The following FNIP1 variants were observed in gnomAD, a reference collection of about 807,000 sequenced individuals.
The protein encoded by FNIP1 is folliculin-interacting protein 1.
In FNIP1, 40 loss-of-function variants were observed where a neutral mutation model predicts 124.5. The observed-to-expected ratio is 0.32, with a 90% confidence interval of 0.25 to 0.42. The LOEUF is 0.42. Among genes scored for constraint, FNIP1 ranks in the 10% least tolerant of loss-of-function variants. The pLI, the probability that FNIP1 is intolerant of heterozygous loss-of-function variation, is 1.00. For missense variants in FNIP1, 1,176 were observed against 1,403.7 expected (o/e 0.84, Z 2.59); for synonymous variants, 472 against 470.6 (o/e 1.00, Z -0.04).
At chr5:131,708,654 T>C (rs1769193505) in intron 8 of FNIP1, among the ~76,000 whole-genome samples, 1 of 152,130 alleles carries the variant, frequency 6.6e-6, no homozygotes, top group Non-Finnish European at 1.5e-5. Flanking sequence ...CAGATGATTT[T>C]CCTAATTTTT....
At chr5:131,654,396 A>G (rs1056534539) in intron 15 of FNIP1, among the ~76,000 whole-genome samples, 1 of 152,224 alleles carries the variant, frequency 6.6e-6, no homozygotes, top group African/African-American at 2.4e-5. Flanking sequence ...TGTTACTACA[A>G]TTAGGATAAG....
chr5:131,753,808 T>G (rs189330957), intron 1 of FNIP1, among the ~76,000 whole-genome samples: 108 of 152,264 alleles, frequency 7.1e-4, no homozygotes, highest in Middle Eastern at 3.4e-3. Context: ...GGACATCTCA[T>G]TAAAACAGAT....
chr5:131,718,929 T>C (rs1769559695), intron 5 of FNIP1, 57 bp downstream of exon 5: 1 of 1,461,646 alleles, frequency 6.8e-7, no homozygotes, highest in African/African-American at 1.4e-5. Context: ...GTTGGTTAGT[T>C]TTCATACTTT....
intron 7 of FNIP1, 43 bp from the exon 8 acceptor site, chr5:131,709,315 A>G: frequency 1.3e-6 from 2 of 1,497,644 alleles, no homozygotes; most frequent in Non-Finnish European, 1.9e-6. Flanking sequence ...ATATATTGCT[A>G]TTCAGGTGGA....
chr5:131,755,873 G>C lies in FNIP1; in HGVS notation c.93-11183C>G, dbSNP rs182275355. ...AAAATATAAAAATTAGTTGGGCATA[G>C]TGGCACATGTCTGTAGTCCTAGCTA... On this transcript the variant is annotated intron_variant, in intron 1 of 17. Coordinates refer to ENST00000510461, the MANE Select transcript of FNIP1 (RefSeq NM_133372.3). Among the ~76,000 whole-genome samples, 16 of 152,126 alleles carry C rather than the reference G, an allele frequency of 1.1e-4. No homozygotes were observed. The East Asian group carries it at 3.1e-3, about 29-fold the overall frequency.
At chr5:131,714,901 T>C (rs1044145877) in intron 6 of FNIP1, among the ~76,000 whole-genome samples, 4 of 152,218 alleles carry the variant, frequency 2.6e-5, no homozygotes, top group African/African-American at 9.7e-5. Flanking sequence ...GGTTCACCAC[T>C]GCATCTTCAG....
chr5:131,793,670 GT>G (rs1201471267), intron 1 of FNIP1, among the ~76,000 whole-genome samples: 1 of 152,110 alleles, frequency 6.6e-6, no homozygotes, highest in Non-Finnish European at 1.5e-5. Flanking sequence ...ATACAGAAAG[GT>G]TCCTAAAGCT....
intron 2 of FNIP1, among the ~76,000 whole-genome samples, chr5:131,739,638 CCT>C (rs1561683560): frequency 1.3e-5 from 2 of 151,846 alleles, no homozygotes; most frequent in African/African-American, 4.8e-5. Flanking sequence ...ACAGTGAAAC[CCT>C]GTCTCTACTA....
At chr5:131,792,160 C>CTTT (rs1236842478) in intron 1 of FNIP1, among the ~76,000 whole-genome samples, 3 of 137,254 alleles carry the variant, frequency 2.2e-5, no homozygotes, top group Admixed American at 1.5e-4. Context: ...ATAACTGGCA[C>CTTT]TTTTTTTTTT....
chr5:131,647,956 C>T (rs1045633868), intron 16 of FNIP1, among the ~76,000 whole-genome samples: 1 of 151,606 alleles, frequency 6.6e-6, no homozygotes, highest in African/African-American at 2.4e-5. Context: ...GATGTATTCT[C>T]CTGTGGAGAA....
In FNIP1 at chr5:131,729,563, T is replaced by A. The variant is rs538483320; in HGVS notation, c.354+1341A>T. 2.6e-5 allele frequency among the ~76,000 whole-genome samples: 4 copies of A among 152,290 alleles called. No homozygotes were observed. The South Asian group carries it at 8.3e-4, about 32-fold the overall frequency. On this transcript the variant is annotated intron_variant, in intron 3 of 17. Coordinates refer to ENST00000510461, the MANE Select transcript of FNIP1 (RefSeq NM_133372.3). ...GACCGAAGCTGTTCCTATTTGGCCA[T>A]CTTGCCAGCCACCCTATATACATAT... is the stretch of plus-strand genomic sequence containing the variant.
intron 1 of FNIP1, among the ~76,000 whole-genome samples, chr5:131,781,550 T>C (rs1441380369): frequency 6.6e-6 from 1 of 152,266 alleles, no homozygotes; most frequent in African/African-American, 2.4e-5. Context: ...ATGCTAAATT[T>C]ACTTTGCCTA....
At chr5:131,768,465 GTTT>G (rs34123871) in intron 1 of FNIP1, among the ~76,000 whole-genome samples, 71 of 148,400 alleles carry the variant, frequency 4.8e-4, no homozygotes, top group Admixed American at 6.0e-4. Flanking sequence ...GTCATACACA[GTTT>G]TTTTTTTTTT....
At chr5:131,748,709 G>GAAAAAAAAAAAAAAAAAAAAAAAAAAA in intron 1 of FNIP1, among the ~76,000 whole-genome samples, 1 of 97,860 alleles carries the variant, frequency 1.0e-5, no homozygotes, top group Non-Finnish European at 2.1e-5. Flanking sequence ...AAAAAAAAAA[G>GAAAAAAAAAAAAAAAAAAAAAAAAAAA]AAAAAAAAAA....
chr5:131,670,371 A>G, intron 15 of FNIP1, 92 bp downstream of exon 15: 2 of 1,146,716 alleles, frequency 1.7e-6, no homozygotes, highest in Non-Finnish European at 2.4e-6. Flanking sequence ...TTGTGTTGTA[A>G]AAAGTATGAC....
chr5:131,656,300 C>T (rs1483948401), intron 15 of FNIP1, among the ~76,000 whole-genome samples: 3 of 152,074 alleles, frequency 2.0e-5, no homozygotes, highest in African/African-American at 4.8e-5. Flanking sequence ...GCTGTGGTTA[C>T]CCATCATTTC....
intron 11 of FNIP1, among the ~76,000 whole-genome samples, chr5:131,693,082 A>G (rs1768536069): frequency 6.6e-6 from 1 of 151,104 alleles, no homozygotes; most frequent in African/African-American, 2.4e-5. Flanking sequence ...ACAGTTAATA[A>G]TAATATTATA....
In FNIP1 at chr5:131,644,488, C is replaced by G; in HGVS notation, c.*197G>C. The G allele has an allele frequency of 2.4e-6, 1 of 411,088 alleles. No homozygotes were observed. The highest frequency in any genetic ancestry group is 4.3e-5 in the South Asian group (1 of 23,216). 25.5% of individuals were successfully genotyped at this position (411,088 alleles called of 1,614,324 possible). On this transcript the variant is annotated 3_prime_UTR_variant, in exon 18 of 18. Transcript: ENST00000510461. ...TAATTTCATTTGTTTAAAAATCTACCACCACCCAAAAGTCCAGTCAAAAAG... is the reference window on the plus strand; with the variant it reads ...TAATTTCATTTGTTTAAAAATCTACGACCACCCAAAAGTCCAGTCAAAAAG...
intron 1 of FNIP1, 30 bp from the exon 2 acceptor site, chr5:131,744,720 T>C: frequency 6.3e-7 from 1 of 1,577,542 alleles, no homozygotes; most frequent in Non-Finnish European, 8.6e-7. Context: ...AAAGTAAAGA[T>C]CCATTAGAGT....
Sources: gnomAD v4.1 joint callset for allele counts (sites outside exome capture counted in the v4.1 genomes callset) on GRCh38, gnomAD v4.1.1 for gene constraint, MANE v1.5 for transcripts, NCBI Gene and HGNC (gene_info 2026-07-23, HGNC 2026-07-21) for gene names.